ELK3: variants seen among roughly 807,000 people sequenced by gnomAD.
The protein encoded by ELK3 is ETS transcription factor ELK3, also known as ETS domain-containing protein Elk-3.
In ELK3, 10 loss-of-function variants were observed where a neutral mutation model predicts 28.9. The observed-to-expected ratio is 0.35, with a 90% CI of 0.21 to 0.59. The LOEUF is 0.59. ELK3 is among the 20% of genes least tolerant of loss of function. The pLI is 0.82. For missense variants in ELK3, 463 were observed against 517.3 expected, an observed-to-expected ratio of 0.90 and a Z score of 1.02; for synonymous variants, 272 against 243.5, an observed-to-expected ratio of 1.12 and a Z score of -1.09.
At position 96,246,803 on chromosome 12, in the gene ELK3, C is replaced by G. The variant is rs573415336; in HGVS notation, c.208-137C>G. 7.1e-5 allele frequency: 61 copies of G among 853,334 alleles called. No individual in the cohort carries two copies. In the African/African-American group the frequency reaches 1.0e-3, roughly 14 times the overall value. 52.9% of individuals were successfully genotyped at this position (853,334 alleles called of 1,614,324 possible). A position where few individuals can be genotyped will look rare whatever the true frequency, so the allele number is the denominator to read the frequency against. On this transcript the variant is annotated intron_variant, in intron 2 of 4. Coordinates refer to ENST00000228741, the MANE Select transcript of ELK3 (RefSeq NM_005230.4). Reference sequence around the variant, plus strand: ...AATTCTACTTCCAACTTCATTCCTCCTTCCACTTTTCCTTAGCCAAGAATG... The same window carrying G: ...AATTCTACTTCCAACTTCATTCCTCGTTCCACTTTTCCTTAGCCAAGAATG...
chr12:96,218,728 A>AAC (rs1392554749), intron 1 of ELK3, among the ~76,000 whole-genome samples: 2 of 148,754 alleles, frequency 1.3e-5, no homozygotes, highest in Non-Finnish European at 3.0e-5. Flanking sequence ...GCCTCACTGC[A>AAC]AGCTCCACCT....
intron 2 of ELK3, among the ~76,000 whole-genome samples, chr12:96,235,825 A>G (rs929023871): frequency 6.6e-6 from 1 of 151,960 alleles, no homozygotes. Context: ...ATTTATTTTT[A>G]TTTATTTATT....
chr12:96,216,957 T>C (rs371238456), intron 1 of ELK3, among the ~76,000 whole-genome samples: 3 of 152,314 alleles, frequency 2.0e-5, no homozygotes, highest in South Asian at 4.1e-4. Context: ...CTTTGAGTTA[T>C]AGAAAATAGC....
chr12:96,202,130 C>G (rs1317115337), intron 1 of ELK3, among the ~76,000 whole-genome samples: 1 of 152,194 alleles, frequency 6.6e-6, no homozygotes, highest in African/African-American at 2.4e-5. Context: ...GCTCTGATCC[C>G]TTCTCTCCCC....
intron 1 of ELK3, among the ~76,000 whole-genome samples, chr12:96,201,479 G>T (rs1215852454): frequency 1.3e-5 from 2 of 151,364 alleles, no homozygotes; most frequent in African/African-American, 2.4e-5. Flanking sequence ...TAGACGTGGT[G>T]GTGCGTGCCA....
intron 3 of ELK3, among the ~76,000 whole-genome samples, chr12:96,258,911 G>A (rs1483054609): frequency 4.6e-5 from 7 of 152,134 alleles, no homozygotes; most frequent in African/African-American, 1.4e-4. Flanking sequence ...TGGAAAACCC[G>A]GCTCAGAGCT....
At chr12:96,214,063 C>T (rs1240913945) in intron 1 of ELK3, among the ~76,000 whole-genome samples, 1 of 152,106 alleles carries the variant, frequency 6.6e-6, no homozygotes, top group Non-Finnish European at 1.5e-5. Context: ...TTACATTGTG[C>T]TAGATATAAC....
intron 1 of ELK3, among the ~76,000 whole-genome samples, chr12:96,210,027 G>T (rs1379724666): frequency 2.0e-5 from 3 of 150,310 alleles, no homozygotes; most frequent in Admixed American, 2.0e-4. Context: ...CTTTTTTTCT[G>T]TTGTACACAG....
chr12:96,210,268 G>A (rs1318664566), intron 1 of ELK3, among the ~76,000 whole-genome samples: 1 of 152,086 alleles, frequency 6.6e-6, no homozygotes, highest in Non-Finnish European at 1.5e-5. Flanking sequence ...GCATGTTGTG[G>A]TCCTCCATGA....
chr12:96,256,747 C>G (rs1431807543), intron 3 of ELK3, among the ~76,000 whole-genome samples: 1 of 152,142 alleles, frequency 6.6e-6, no homozygotes, highest in Non-Finnish European at 1.5e-5. Context: ...ATAAGAAATC[C>G]CATCTGGTTG....
rs1951863628 is a variant in ELK3, at chr12:96,247,228, C to G, written c.496C>G (p.Leu166Val). The G allele has an allele frequency of 1.2e-6, 2 of 1,614,248 alleles. No homozygotes were observed. The highest frequency in any genetic ancestry group is 4.5e-5 in the East Asian group (2 of 44,888). ...CTTCAAGGCCATCAAGACGGAGAAGCTGGAGGAGCCGCCCGAAGACAGCCC... is the reference window on the plus strand; with the variant it reads ...CTTCAAGGCCATCAAGACGGAGAAGGTGGAGGAGCCGCCCGAAGACAGCCC... ...DAFKAIKTEK[L>V]EEPPEDSPPV... Residue 166 changes from leucine (L) to valine (V), a missense_variant, in exon 3 of 5, where the codon CTG (leucine) becomes GTG (valine). By Grantham distance (32) the Leu-to-Val change is conservative (BLOSUM62 1). This residue lies in a region of ELK3 where 408 missense variants were observed against 414.8 expected (regional missense o/e 0.98). Coordinates refer to ENST00000228741, the MANE Select transcript of ELK3 (RefSeq NM_005230.4). The surrounding 1 kb of genome is among the most constrained non-coding windows in gnomAD (Gnocchi z 5.5).
At chr12:96,234,260 G>A (rs577272820) in intron 2 of ELK3, among the ~76,000 whole-genome samples, 3 of 152,288 alleles carry the variant, frequency 2.0e-5, no homozygotes, top group South Asian at 2.1e-4. Flanking sequence ...CCAGAGGCCC[G>A]GGAGCGCCGT....
intron 2 of ELK3, among the ~76,000 whole-genome samples, chr12:96,240,916 C>A (rs1951816600): frequency 1.3e-5 from 2 of 152,186 alleles, no homozygotes; most frequent in South Asian, 4.1e-4. Flanking sequence ...GGTGCCAGAC[C>A]AGAGTGGGTG....
chr12:96,246,773 C>T (rs920807907), intron 2 of ELK3, among the ~76,000 whole-genome samples, 167 bp from the exon 3 acceptor site: 6 of 152,198 alleles, frequency 3.9e-5, no homozygotes, highest in African/African-American at 1.4e-4. Flanking sequence ...CTGGAATGCA[C>T]ATCTAATTCT....
At chr12:96,198,476 G>A (rs1951486695) in intron 1 of ELK3, among the ~76,000 whole-genome samples, 1 of 152,204 alleles carries the variant, frequency 6.6e-6, no homozygotes, top group African/African-American at 2.4e-5. Context: ...TAAATACGCA[G>A]ATGAGAGGGG....
At chr12:96,236,125 G>A (rs1298634611) in intron 2 of ELK3, among the ~76,000 whole-genome samples, 1 of 152,130 alleles carries the variant, frequency 6.6e-6, no homozygotes, top group Non-Finnish European at 1.5e-5. Flanking sequence ...CACCCCGCCT[G>A]AGCAGCTTTA....
At chr12:96,267,007 A>G in intron 4 of ELK3, 75 bp from the exon 5 acceptor site, 1 of 1,267,638 alleles carries the variant, frequency 7.9e-7, no homozygotes, top group Non-Finnish European at 1.1e-6. Flanking sequence ...TATGGACTGT[A>G]TGGGAATGTA....
chr12:96,259,938 T>C (rs111676783), intron 4 of ELK3, 85 bp downstream of exon 4: 2 of 1,456,568 alleles, frequency 1.4e-6, no homozygotes, highest in Non-Finnish European at 1.8e-6. Context: ...ACGGTGAGTT[T>C]TGCCATATGT....
intron 4 of ELK3, among the ~76,000 whole-genome samples, chr12:96,263,613 G>A (rs1256216632): frequency 1.3e-5 from 2 of 152,226 alleles, no homozygotes; most frequent in Non-Finnish European, 2.9e-5. Context: ...TAAACAAACT[G>A]CTGCAGAAAG....
Sources: allele counts gnomAD v4.1 joint callset (sites outside exome capture counted in the v4.1 genomes callset), GRCh38; gene constraint gnomAD v4.1.1; regional missense constraint gnomAD v4.1.1; non-coding constraint Gnocchi (gnomAD v3.1); transcripts MANE v1.5; gene names NCBI Gene and HGNC (gene_info 2026-07-23, HGNC 2026-07-21).